Variants in CREB5 observed in about 807,000 individuals in gnomAD.
CREB5 encodes cAMP responsive element binding protein 5.
Under a neutral mutation model 57.1 loss-of-function variants are expected in CREB5, and 19 were observed. The ratio of observed to expected loss-of-function variants is 0.33; its 90% CI spans 0.23 to 0.49. CREB5 has a LOEUF of 0.49. CREB5 is among the 20% of genes least tolerant of loss of function. The pLI, the probability that CREB5 is intolerant of heterozygous loss-of-function variation, is 0.99. For synonymous variants in CREB5, 238 were observed against 238.3 expected (o/e 1.00, Z 0.01); for missense variants, 579 against 671.6 (o/e 0.86, Z 1.52).
Position 28,530,110 on chromosome 7 carries a change from C to T in CREB5, c.291+22373C>T, listed in dbSNP as rs569758340. Among the ~76,000 whole-genome samples, 208 of 152,332 alleles carry T rather than the reference C, an allele frequency of 1.4e-3. 1 individual carries two copies. The highest frequency in any genetic ancestry group is 4.4e-3 in the African/African-American group (185 of 41,576). ...AAGACTGCCCAATTCTAAAAGTCCC[C>T]TCTGACTTTGGAAGGAGCAGTGGTG... On this transcript the variant is annotated intron_variant, in intron 4 of 10. Coordinates refer to ENST00000357727, the MANE Select transcript of CREB5 (RefSeq NM_182898.4).
At chr7:28,435,259 G>C (rs1788905772) in intron 1 of CREB5, among the ~76,000 whole-genome samples, 2 of 152,072 alleles carry the variant, frequency 1.3e-5, no homozygotes, top group African/African-American at 2.4e-5. Context: ...CTCCCTAGGA[G>C]GGGGGTGGAT....
chr7:28,403,088 A>T (rs1787506941), intron 1 of CREB5, among the ~76,000 whole-genome samples: 1 of 152,244 alleles, frequency 6.6e-6, no homozygotes, highest in South Asian at 2.1e-4. Flanking sequence ...ATGCATTTGT[A>T]TGTCAAGACT....
chr7:28,468,825 A>C (rs1790693368), intron 1 of CREB5, among the ~76,000 whole-genome samples: 1 of 152,214 alleles, frequency 6.6e-6, no homozygotes, highest in Non-Finnish European at 1.5e-5. Context: ...AGTTGTCATT[A>C]TTCTTCTTCC....
intron 7 of CREB5, among the ~76,000 whole-genome samples, chr7:28,778,759 G>A (rs1444769985): frequency 6.6e-6 from 1 of 152,018 alleles, no homozygotes; most frequent in Non-Finnish European, 1.5e-5. Context: ...ACGTTATTTG[G>A]ATAATTAAAT....
At chr7:28,618,146 G>A (rs1409181098) in intron 5 of CREB5, among the ~76,000 whole-genome samples, 1 of 152,162 alleles carries the variant, frequency 6.6e-6, no homozygotes, top group East Asian at 1.9e-4. Flanking sequence ...AGCTAGGGGA[G>A]CTGGAGGGGA....
At chr7:28,341,976 G>A (rs1785945651) in intron 1 of CREB5, among the ~76,000 whole-genome samples, 1 of 152,156 alleles carries the variant, frequency 6.6e-6, no homozygotes, top group East Asian at 1.9e-4. Context: ...GAAGGAAAAG[G>A]CCATTTGGAA....
At chr7:28,796,545 A>G (rs948910408) in intron 7 of CREB5, among the ~76,000 whole-genome samples, 2 of 152,080 alleles carry the variant, frequency 1.3e-5, no homozygotes, top group Non-Finnish European at 2.9e-5. Context: ...ATGTACCCCC[A>G]TTTCACAGAA....
At chr7:28,583,091 C>T (rs932596769) in intron 5 of CREB5, among the ~76,000 whole-genome samples, 1 of 152,130 alleles carries the variant, frequency 6.6e-6, no homozygotes, top group African/African-American at 2.4e-5. Flanking sequence ...GCAGGGCTCC[C>T]CATTTCCCAG....
At chr7:28,514,800 G>A (rs1792875836) in intron 4 of CREB5, among the ~76,000 whole-genome samples, 2 of 152,180 alleles carry the variant, frequency 1.3e-5, no homozygotes, top group Non-Finnish European at 2.9e-5. Context: ...TTCAGAGGCT[G>A]GAGTCTGAAT....
chr7:28,570,330 C>T, intron 4 of CREB5, 35 bp from the exon 5 acceptor site: 4 of 1,584,536 alleles, frequency 2.5e-6, no homozygotes, highest in Non-Finnish European at 3.4e-6. Context: ...AACATTGACT[C>T]CTCCTGACCT....
chr7:28,635,635 A>T (rs553875892), intron 5 of CREB5, among the ~76,000 whole-genome samples: 1 of 152,260 alleles, frequency 6.6e-6, no homozygotes, highest in Admixed American at 6.5e-5. Flanking sequence ...TTCTTTCTTC[A>T]TATTTCTTGT....
chr7:28,582,536 A>G (rs1392902941), intron 5 of CREB5, among the ~76,000 whole-genome samples: 5 of 152,204 alleles, frequency 3.3e-5, no homozygotes, highest in Non-Finnish European at 5.9e-5. Context: ...TTGATCCTTC[A>G]TATTTCCGTG....
intron 5 of CREB5, among the ~76,000 whole-genome samples, chr7:28,703,067 T>C (rs953732697): frequency 3.3e-5 from 5 of 152,182 alleles, no homozygotes; most frequent in African/African-American, 1.2e-4. Context: ...ACATCCTAAA[T>C]GCTAAGGAAA....
intron 7 of CREB5, among the ~76,000 whole-genome samples, chr7:28,725,947 T>G (rs567275393): frequency 1.3e-5 from 2 of 152,208 alleles, no homozygotes; most frequent in Non-Finnish European, 2.9e-5. Flanking sequence ...GACTCAAAAG[T>G]GTCCTTCTTC....
intron 5 of CREB5, among the ~76,000 whole-genome samples, chr7:28,660,556 A>T (rs1381711938): frequency 1.3e-5 from 2 of 152,128 alleles, no homozygotes; most frequent in African/African-American, 4.8e-5. Context: ...AGACAGGGAT[A>T]AATTGCACCA....
At chr7:28,460,060 C>T (rs114681216) in intron 1 of CREB5, among the ~76,000 whole-genome samples, 1 of 152,240 alleles carries the variant, frequency 6.6e-6, no homozygotes, top group African/African-American at 2.4e-5. Flanking sequence ...ACAACTGTTC[C>T]ACTACTGTAA....
intron 5 of CREB5, among the ~76,000 whole-genome samples, chr7:28,670,144 C>T (rs1429439140): frequency 6.6e-6 from 1 of 152,152 alleles, no homozygotes; most frequent in Non-Finnish European, 1.5e-5. Context: ...TCATACCGAA[C>T]CCTCTATATA....
intron 7 of CREB5, among the ~76,000 whole-genome samples, chr7:28,738,473 C>A (rs945329913): frequency 6.6e-6 from 1 of 152,160 alleles, no homozygotes. Context: ...GTGTAAAAAA[C>A]CTGATTATTT....
At chr7:28,714,009 G>T (rs1359364651) in intron 5 of CREB5, among the ~76,000 whole-genome samples, 1 of 151,954 alleles carries the variant, frequency 6.6e-6, no homozygotes, top group South Asian at 2.1e-4. Context: ...TGATGCCCAG[G>T]TTCCCAGGTT....
Sources: gnomAD v4.1 joint callset for allele counts (sites outside exome capture counted in the v4.1 genomes callset) on GRCh38, gnomAD v4.1.1 for gene constraint, MANE v1.5 for transcripts, NCBI Gene and HGNC (gene_info 2026-07-23, HGNC 2026-07-21) for gene names.